PCDH9: variants seen among roughly 807,000 people sequenced by gnomAD.
PCDH9 encodes protocadherin 9.
Under a neutral mutation model 70.6 loss-of-function variants are expected in PCDH9, and 24 were observed. That is an observed-to-expected ratio of 0.34 (90% confidence interval 0.25 to 0.48). The LOEUF (loss-of-function observed/expected upper bound fraction) is 0.48. Among genes scored for constraint, PCDH9 ranks in the 20% least tolerant of loss-of-function variants. The probability of loss-of-function intolerance (pLI) is 0.99; values close to 1 mark genes in which losing one functional copy is unlikely to be tolerated. For missense variants in PCDH9, 1,281 were observed against 1,503.6 expected, an observed-to-expected ratio of 0.85 and a Z score of 2.45; for synonymous variants, 562 against 558.5, an observed-to-expected ratio of 1.01 and a Z score of -0.09.
chr13:66,595,521 T>C (rs2138829746), intron 4 of PCDH9, among the ~76,000 whole-genome samples: 1 of 151,850 alleles, frequency 6.6e-6, no homozygotes, highest in South Asian at 2.1e-4. Context: ...AGTGGATGGC[T>C]TATCATGAGC....
chr13:66,935,586 T>A (rs1301537099), intron 2 of PCDH9, among the ~76,000 whole-genome samples: 1 of 152,172 alleles, frequency 6.6e-6, no homozygotes, highest in African/African-American at 2.4e-5. Flanking sequence ...TAGGAAAATT[T>A]GTGTATAATT....
intron 3 of PCDH9, among the ~76,000 whole-genome samples, chr13:66,750,442 A>G (rs2079439814): frequency 6.6e-6 from 1 of 152,002 alleles, no homozygotes; most frequent in Non-Finnish European, 1.5e-5. Flanking sequence ...TGGACCCAGG[A>G]CCAACTGTGT....
intron 4 of PCDH9, among the ~76,000 whole-genome samples, chr13:66,563,224 C>T (rs367792578): frequency 2.6e-5 from 4 of 152,142 alleles, no homozygotes; most frequent in Non-Finnish European, 5.9e-5. Context: ...GTTTCCATTT[C>T]CCAGTTCTCT....
chr13:66,896,949 T>C (rs1260634710), intron 3 of PCDH9, among the ~76,000 whole-genome samples: 1 of 152,176 alleles, frequency 6.6e-6, no homozygotes, highest in African/African-American at 2.4e-5. Context: ...TCATTCACTT[T>C]GTAAACTCCT....
chr13:66,728,376 G>C (rs7331752), intron 3 of PCDH9, among the ~76,000 whole-genome samples: 78,581 of 151,884 alleles, frequency 0.52, 20,384 homozygotes, highest in Middle Eastern at 0.57. Context: ...TATTCCAGCA[G>C]TTAGCATGCT....
chr13:66,906,619 C>T (rs1163520915), intron 2 of PCDH9, among the ~76,000 whole-genome samples: 1 of 152,094 alleles, frequency 6.6e-6, no homozygotes, highest in East Asian at 1.9e-4. Context: ...TGGAGCAGCT[C>T]CTGTTTTTGG....
intron 4 of PCDH9, among the ~76,000 whole-genome samples, chr13:66,322,056 G>GT (rs1955765328): frequency 6.6e-6 from 1 of 151,700 alleles, no homozygotes; most frequent in South Asian, 2.1e-4. Context: ...GGATGCATGG[G>GT]GGGGGTGTGA....
chr13:67,050,990 T>C (rs1400096776), intron 2 of PCDH9, among the ~76,000 whole-genome samples: 1 of 152,208 alleles, frequency 6.6e-6, no homozygotes, highest in Non-Finnish European at 1.5e-5. Flanking sequence ...AAGCAATAGA[T>C]ATAGATCTTT....
chr13:66,397,667 T>C (rs1311021296), intron 4 of PCDH9, among the ~76,000 whole-genome samples: 2 of 151,574 alleles, frequency 1.3e-5, no homozygotes, highest in African/African-American at 2.4e-5. Flanking sequence ...ATTTATATAT[T>C]TTTTATTTTT....
intron 3 of PCDH9, among the ~76,000 whole-genome samples, chr13:66,863,191 A>C (rs1375554719): frequency 6.6e-6 from 1 of 152,232 alleles, no homozygotes; most frequent in Non-Finnish European, 1.5e-5. Context: ...CTTAGATTTT[A>C]ACTCTGGATC....
At chr13:66,684,818 A>G (rs1195832223) in intron 3 of PCDH9, among the ~76,000 whole-genome samples, 1 of 152,118 alleles carries the variant, frequency 6.6e-6, no homozygotes, top group African/African-American at 2.4e-5. Flanking sequence ...TGATTTTGGA[A>G]CTGGGTTACA....
chr13:66,600,653 A>G (rs1237232117), intron 4 of PCDH9, among the ~76,000 whole-genome samples: 1 of 113,322 alleles, frequency 8.8e-6, no homozygotes, highest in African/African-American at 2.9e-5. Flanking sequence ...TTTTATTAAC[A>G]GTAATTATGG....
intron 2 of PCDH9, among the ~76,000 whole-genome samples, chr13:67,001,690 G>A (rs1338856973): frequency 1.3e-5 from 2 of 152,116 alleles, no homozygotes; most frequent in African/African-American, 2.4e-5. Flanking sequence ...CAGAGGGGAC[G>A]GCAGAGTCCC....
chr13:66,806,478 G>C (rs1470488855), intron 3 of PCDH9, among the ~76,000 whole-genome samples: 1 of 151,706 alleles, frequency 6.6e-6, no homozygotes, highest in South Asian at 2.1e-4. Flanking sequence ...GAACATTTGT[G>C]CCCAGTGTAG....
At chr13:67,214,904 C>T (rs1280764126) in intron 2 of PCDH9, 1 of 123,524 alleles carries the variant, frequency 8.1e-6, no homozygotes, top group Non-Finnish European at 1.7e-5. Context: ...AAACAGGTAA[C>T]ATTTTCTGAG....
intron 2 of PCDH9, chr13:67,208,174 T>C (rs1234703990): frequency 1.3e-5 from 2 of 152,228 alleles, no homozygotes; most frequent in African/African-American, 4.8e-5. Flanking sequence ...CCTTGCCAGA[T>C]ACTGCTAATA....
chr13:66,434,232 T>A (rs1957826793), intron 4 of PCDH9, among the ~76,000 whole-genome samples: 1 of 151,958 alleles, frequency 6.6e-6, no homozygotes, highest in South Asian at 2.1e-4. Flanking sequence ...TTTACATGAA[T>A]CTTTTCAATA....
chr13:66,874,033 C>A (rs183895649), intron 3 of PCDH9, among the ~76,000 whole-genome samples: 1 of 150,796 alleles, frequency 6.6e-6, no homozygotes, highest in East Asian at 2.0e-4. Context: ...CTGTGTCTCC[C>A]GAACTCAAGT....
At chr13:66,624,052 A>G (rs1392630276) in intron 4 of PCDH9, among the ~76,000 whole-genome samples, 1 of 152,218 alleles carries the variant, frequency 6.6e-6, no homozygotes, top group Non-Finnish European at 1.5e-5. Flanking sequence ...CCTTTAAAAT[A>G]ACATTTAAAG....
Sources: gnomAD v4.1 joint callset for allele counts (sites outside exome capture counted in the v4.1 genomes callset) on GRCh38, gnomAD v4.1.1 for gene constraint, MANE v1.5 for transcripts, NCBI Gene and HGNC (gene_info 2026-07-23, HGNC 2026-07-21) for gene names.